The following CPNE3 variants were observed in gnomAD, a reference collection of about 807,000 sequenced individuals.
The protein encoded by CPNE3 is copine 3.
In CPNE3, 68 loss-of-function variants were observed where a neutral mutation model predicts 63.9. The ratio of observed to expected loss-of-function variants is 1.06; its 90% CI spans 0.87 to 1.30. CPNE3 has a LOEUF of 1.30. CPNE3 is among the 50% of genes most tolerant of loss of function. The probability of loss-of-function intolerance (pLI) is 0.00; values close to 1 mark genes in which losing one functional copy is unlikely to be tolerated. For synonymous variants in CPNE3, 219 were observed against 197.5 expected (o/e 1.11, Z -0.91); for missense variants, 665 against 578.1 (o/e 1.15, Z -1.54).
intron 8 of CPNE3, among the ~76,000 whole-genome samples, chr8:86,543,153 G>T (rs1820977552): frequency 6.6e-6 from 1 of 151,764 alleles, no homozygotes; most frequent in East Asian, 1.9e-4. Context: ...TTTTCCCTTG[G>T]CACATTAAAG....
intron 2 of CPNE3, among the ~76,000 whole-genome samples, chr8:86,516,763 T>G (rs1820321838): frequency 6.6e-6 from 1 of 152,210 alleles, no homozygotes; most frequent in Non-Finnish European, 1.5e-5. Flanking sequence ...ACTGGGCTTT[T>G]TTTCTTACTA....
At chr8:86,547,571 A>G in intron 10 of CPNE3, 140 bp from the exon 11 acceptor site, 1 of 613,320 alleles carries the variant, frequency 1.6e-6, no homozygotes, top group Non-Finnish European at 2.9e-6. Context: ...GGGGTATCTT[A>G]AACCTGAATG....
rs775582631 is a variant in CPNE3, at chr8:86,528,564, A to G, written c.19A>G (p.Thr7Ala). 1 of 1,613,878 alleles carries G rather than the reference A, an allele frequency of 6.2e-7. No individual in the cohort carries two copies. The highest frequency in any genetic ancestry group is 1.3e-5 in the African/African-American group (1 of 74,898). Residue 7 changes from threonine to alanine, a missense_variant, in exon 3 of 17, where the codon ACA (threonine) becomes GCA (alanine). Transcript: ENST00000517490. ...TCAAGACATGGCTGCCCAGTGTGTC[A>G]CAAAGGTGGCGCTGAATGTTTCCTG... Reference protein sequence around the residue: MAAQCVTKVALNVSCAN... With the variant: MAAQCVAKVALNVSCAN...
Position 86,554,916 on chromosome 8 carries a change from A to G in CPNE3, c.1186A>G (p.Asn396Asp). Residue 396 changes from asparagine to aspartate, a missense_variant, in exon 15 of 17, where the codon AAT becomes GAT. By Grantham distance (23) the Asn-to-Asp change is conservative. Transcript: ENST00000517490. ...LPQIKLYGPT[N>D]FSPIINHVAR... ...TCAGATAAAACTCTATGGACCAACT[A>G]ATTTTTCTCCAATCATAAATCACGT... 2.5e-6 allele frequency: 4 copies of G among 1,614,140 alleles called. No individual in the cohort carries two copies. The highest frequency in any genetic ancestry group is 3.4e-6 in the Non-Finnish European group (4 of 1,180,026).
intron 5 of CPNE3, among the ~76,000 whole-genome samples, chr8:86,531,987 G>A (rs1428732305): frequency 6.6e-6 from 1 of 152,320 alleles, no homozygotes; most frequent in South Asian, 2.1e-4. Context: ...AAAGGCATAA[G>A]AATGTTCAGG....
At chr8:86,520,036 A>G (rs573559653) in intron 2 of CPNE3, among the ~76,000 whole-genome samples, 11 of 151,972 alleles carry the variant, frequency 7.2e-5, no homozygotes, top group African/African-American at 2.7e-4. Flanking sequence ...TTTGATAGAG[A>G]TGGAGACTGA....
chr8:86,548,386 A>G lies in CPNE3; in HGVS notation c.965A>G (p.Tyr322Cys), dbSNP rs376667596. The G allele has an allele frequency of 8.1e-6, 13 of 1,614,110 alleles. No individual in the cohort carries two copies. Among genetic ancestry groups the G allele is most frequent in the Non-Finnish European group, 1.1e-5 (13 of 1,180,036 alleles). The change falls in exon 12 of 17, where the codon TAT becomes TGT. Residue 322 changes from tyrosine to cysteine, a missense_variant. Tyr to Cys is a radical substitution (Grantham distance 194, BLOSUM62 -2). Transcript: ENST00000517490. Reference protein sequence around the residue: ...HYISPNGVNEYLTALWSVGLV... With the variant: ...HYISPNGVNECLTALWSVGLV... Reference sequence around the variant, plus strand: ...ATCAGCCCCAATGGCGTTAATGAGTATTTGACTGCTCTCTGGTCTGTGGGA... The same window carrying G: ...ATCAGCCCCAATGGCGTTAATGAGTGTTTGACTGCTCTCTGGTCTGTGGGA...
At chr8:86,548,524 G>T (rs899666787) in intron 12 of CPNE3, 90 bp downstream of exon 12, 24 of 1,497,140 alleles carry the variant, frequency 1.6e-5, no homozygotes, top group Non-Finnish European at 2.0e-5. Flanking sequence ...TCTGATATAG[G>T]TGGTAGGTTG....
chr8:86,538,514 G>A (rs1432334319), intron 7 of CPNE3, among the ~76,000 whole-genome samples: 2 of 152,152 alleles, frequency 1.3e-5, no homozygotes, highest in Non-Finnish European at 2.9e-5. Context: ...GATTTCCTCA[G>A]TTGTCCCACA....
intron 15 of CPNE3, among the ~76,000 whole-genome samples, chr8:86,555,802 T>A (rs1436821201): frequency 6.6e-6 from 1 of 152,256 alleles, no homozygotes; most frequent in Non-Finnish European, 1.5e-5. Context: ...TATTTAATAC[T>A]TGAGTTAAAA....
At chr8:86,544,926 G>T (rs1027455459) in intron 9 of CPNE3, 88 bp downstream of exon 9, 5 of 647,802 alleles carry the variant, frequency 7.7e-6, no homozygotes, top group Non-Finnish European at 1.3e-5. Context: ...AGCATCAAAC[G>T]GTTTACTATG....
chr8:86,555,412 T>C (rs1274402934), intron 15 of CPNE3, among the ~76,000 whole-genome samples: 3 of 152,236 alleles, frequency 2.0e-5, no homozygotes, highest in African/African-American at 7.2e-5. Context: ...CTCAGCATAT[T>C]CAGAAGTAAG....
chr8:86,522,703 C>T (rs1189607313), intron 2 of CPNE3, among the ~76,000 whole-genome samples: 1 of 151,866 alleles, frequency 6.6e-6, no homozygotes, highest in Non-Finnish European at 1.5e-5. Flanking sequence ...CTTTCAATAG[C>T]GGTCAGGCAG....
intron 9 of CPNE3, among the ~76,000 whole-genome samples, chr8:86,545,656 A>G (rs1821030583): frequency 1.3e-5 from 2 of 152,204 alleles, no homozygotes; most frequent in Admixed American, 1.3e-4. Context: ...ATTGTATTAT[A>G]CCACGTGTAT....
intron 14 of CPNE3, 62 bp downstream of exon 14, chr8:86,551,296 G>T: frequency 9.0e-7 from 1 of 1,107,556 alleles, no homozygotes; most frequent in Non-Finnish European, 1.3e-6. Context: ...TTGTTATTTT[G>T]TTCTTTGTTC....
At position 86,542,265 on chromosome 8, in the gene CPNE3, A is replaced by C. The variant is rs535776406; in HGVS notation, c.633+1931A>C. 5.0e-4 allele frequency among the ~76,000 whole-genome samples: 76 copies of C among 152,334 alleles called. 3 individuals are homozygous for C. In the South Asian group the frequency reaches 0.016, roughly 31 times the overall value. On this transcript the variant is annotated intron_variant, in intron 8 of 16. Transcript: ENST00000517490. ...TTCTCTTACTGTTCGAAAATTGCTT[A>C]TAGGGATAGTAAAGAGTTATAGAGC...
intron 2 of CPNE3, among the ~76,000 whole-genome samples, chr8:86,528,035 A>G (rs1820578317): frequency 7.0e-6 from 1 of 143,668 alleles, no homozygotes; most frequent in Non-Finnish European, 1.5e-5. Flanking sequence ...TACAGGCTCA[A>G]TCTCTTGGGT....
At position 86,525,391 on chromosome 8, in the gene CPNE3, A is replaced by C. The variant is rs193084050; in HGVS notation, c.-10-3145A>C. Among the ~76,000 whole-genome samples the C allele has an allele frequency of 3.9e-5, 6 of 152,356 alleles. No individual in the cohort carries two copies. The East Asian group carries it at 1.2e-3, about 29-fold the overall frequency. On this transcript the variant is annotated intron_variant, in intron 2 of 16. Transcript: ENST00000517490. ...GGAAATGAAAACAGTATCTTCATGA[A>C]TATTACCATTAACAAGATTCCAGAC...
chr8:86,554,767 A>G, intron 14 of CPNE3, 84 bp from the exon 15 acceptor site: 3 of 1,511,068 alleles, frequency 2.0e-6, no homozygotes, highest in South Asian at 1.2e-5. Flanking sequence ...GTTGATACAT[A>G]TAATCAAATT....
Sources: allele counts gnomAD v4.1 joint callset (sites outside exome capture counted in the v4.1 genomes callset), GRCh38; gene constraint gnomAD v4.1.1; transcripts MANE v1.5; gene names NCBI Gene and HGNC (gene_info 2026-07-23, HGNC 2026-07-21).